The following MON2 variants were observed in gnomAD, a reference collection of about 807,000 sequenced individuals.
MON2 encodes protein MON2 homolog.
A neutral mutation model predicts 208.6 loss-of-function variants in MON2; 84 were observed. That is an observed-to-expected ratio of 0.40 (90% confidence interval 0.34 to 0.48). The LOEUF is 0.48. Ranked by LOEUF, MON2 falls within the 20% of genes least tolerant of loss-of-function variation. The pLI is 0.59. For synonymous variants in MON2, 660 were observed against 694.0 expected (o/e 0.95, Z 0.77); for missense variants, 1,611 against 2,015.4 (o/e 0.80, Z 3.84).
chr12:62,589,059 G>T, intron 34 of MON2: 1 of 501,722 alleles, frequency 2.0e-6, no homozygotes, highest in South Asian at 3.3e-5. Flanking sequence ...TTCAGACCAT[G>T]TTTTGTTCTA....
At chr12:62,514,662 G>T (rs2071596840) in intron 8 of MON2, among the ~76,000 whole-genome samples, 1 of 152,132 alleles carries the variant, frequency 6.6e-6, no homozygotes, top group South Asian at 2.1e-4. Context: ...GATGAGATTT[G>T]GTTGGGGACA....
Position 62,599,280 on chromosome 12 carries a change from C to A in MON2, c.*6531C>A, listed in dbSNP as rs1198045708. 3 of 152,028 alleles carry A rather than the reference C, an allele frequency of 2.0e-5. No homozygotes were observed. The highest frequency in any genetic ancestry group is 2.0e-4 in the Admixed American group (3 of 15,264). 9.4% of individuals were successfully genotyped at this position (152,028 alleles called of 1,614,324 possible). On this transcript the variant is annotated 3_prime_UTR_variant, in exon 35 of 35. Coordinates refer to ENST00000393630, the MANE Select transcript of MON2 (RefSeq NM_015026.3). Reference sequence around the variant, plus strand: ...TAAAAATGCTAGGTCAAGTAAAAATCCTGATGTAGATTAGATTATCTTAAT... The same window carrying A: ...TAAAAATGCTAGGTCAAGTAAAAATACTGATGTAGATTAGATTATCTTAAT...
intron 15 of MON2, 97 bp downstream of exon 15, chr12:62,537,360 A>T: frequency 1.2e-6 from 1 of 834,374 alleles, no homozygotes; most frequent in Non-Finnish European, 1.9e-6. Context: ...ACATTTATTT[A>T]CTTTCTTTTA....
At chr12:62,490,185 A>T in intron 2 of MON2, 1 of 212,062 alleles carries the variant, frequency 4.7e-6, no homozygotes, top group Non-Finnish European at 9.5e-6. Context: ...TCCAATACAC[A>T]GTGTTACTCT....
chr12:62,545,137 T>A (rs894729098), intron 21 of MON2, 129 bp downstream of exon 21: 4 of 545,318 alleles, frequency 7.3e-6, no homozygotes, highest in Non-Finnish European at 1.2e-5. Context: ...CTATTTTATA[T>A]GTAGGCCCTG....
intron 2 of MON2, among the ~76,000 whole-genome samples, chr12:62,487,505 A>C (rs751834188): frequency 6.6e-6 from 1 of 151,996 alleles, no homozygotes; most frequent in South Asian, 2.1e-4. Flanking sequence ...ATTTTTACAT[A>C]AATAATCAGT....
Position 62,599,986 on chromosome 12 carries a change from T to C in MON2, c.*7237T>C, listed in dbSNP as rs2075593692. On this transcript the variant is annotated 3_prime_UTR_variant, in exon 35 of 35. Coordinates refer to ENST00000393630, the MANE Select transcript of MON2 (RefSeq NM_015026.3). ...ATATGTTGTGTGTTTTAAGAAGTTA[T>C]GTTATAAATAACAGCATTGTGGTTA... 6.6e-6 allele frequency: 1 copy of C among 152,254 alleles called. No individual in the cohort carries two copies. 9.4% of individuals were successfully genotyped at this position (152,254 alleles called of 1,614,324 possible). A position where few individuals can be genotyped will look rare whatever the true frequency, so the allele number is the denominator to read the frequency against.
At chr12:62,574,611 C>T (rs533329257) in intron 30 of MON2, among the ~76,000 whole-genome samples, 1 of 152,000 alleles carries the variant, frequency 6.6e-6, no homozygotes, top group African/African-American at 2.4e-5. Context: ...TTTTTAATGG[C>T]TAAAAATAAT....
At chr12:62,532,782 C>T in intron 12 of MON2, 112 bp downstream of exon 12, 2 of 713,698 alleles carry the variant, frequency 2.8e-6, no homozygotes, top group South Asian at 3.7e-5. Flanking sequence ...TAACCACTTT[C>T]CCACATTTAC....
At chr12:62,481,797 A>G (rs1436546436) in intron 1 of MON2, among the ~76,000 whole-genome samples, 2 of 152,206 alleles carry the variant, frequency 1.3e-5, no homozygotes, top group African/African-American at 4.8e-5. Context: ...GTTGTGAGCA[A>G]TGAAAGCTGA....
chr12:62,486,377 AT>A (rs2069794059), intron 2 of MON2, among the ~76,000 whole-genome samples: 1 of 152,004 alleles, frequency 6.6e-6, no homozygotes, highest in Non-Finnish European at 1.5e-5. Flanking sequence ...TATGATTTAA[AT>A]ATATAGGCAG....
chr12:62,505,631 A>G (rs888402441), intron 7 of MON2, among the ~76,000 whole-genome samples: 1 of 152,100 alleles, frequency 6.6e-6, no homozygotes, highest in African/African-American at 2.4e-5. Flanking sequence ...CTGTAATCTT[A>G]GCTCTTTGTG....
chr12:62,508,497 T>G lies in MON2; in HGVS notation c.984+17T>G. ...AGTCTTTTGGTAAGTGCTAATTTCCTTATGTATTTGTGTATATAGTTGCAT... is the reference window on the plus strand; with the variant it reads ...AGTCTTTTGGTAAGTGCTAATTTCCGTATGTATTTGTGTATATAGTTGCAT... On this transcript the variant is annotated intron_variant, in intron 8 of 34. Coordinates refer to ENST00000393630, the MANE Select transcript of MON2 (RefSeq NM_015026.3). 6.2e-7 allele frequency: 1 copy of G among 1,606,924 alleles called. No individual in the cohort carries two copies. Among genetic ancestry groups the G allele is most frequent in the Non-Finnish European group, 8.5e-7 (1 of 1,173,528 alleles).
chr12:62,476,672 A>G lies in MON2; in HGVS notation c.112-7498A>G, dbSNP rs538711765. Among the ~76,000 whole-genome samples the G allele has an allele frequency of 2.6e-5, 4 of 152,178 alleles. No individual in the cohort carries two copies. In the East Asian group the frequency reaches 7.7e-4, roughly 29 times the overall value. ...GGCTAGTCTTGAATGCCTGACTTCA[A>G]ATTATCCACCCACCTCAGCCTCCCA... On this transcript the variant is annotated intron_variant, in intron 1 of 34. Transcript: ENST00000393630.
At chr12:62,589,744 T>TAA (rs5798649) in intron 34 of MON2, among the ~76,000 whole-genome samples, 23 of 113,616 alleles carry the variant, frequency 2.0e-4, no homozygotes, top group African/African-American at 6.6e-4. Context: ...ACCCCATCTT[T>TAA]AAAAAAAAAA....
chr12:62,508,064 C>T (rs560241331), intron 7 of MON2, among the ~76,000 whole-genome samples: 2 of 152,292 alleles, frequency 1.3e-5, no homozygotes, highest in South Asian at 4.1e-4. Flanking sequence ...AGCCACTATG[C>T]TGGGCTCTGA....
chr12:62,527,756 G>A (rs559316813), intron 11 of MON2, among the ~76,000 whole-genome samples: 32 of 151,912 alleles, frequency 2.1e-4, no homozygotes, highest in South Asian at 1.2e-3. Context: ...AATGACCAAG[G>A]TGAAGATGGG....
At chr12:62,537,581 T>G in intron 15 of MON2, 21 bp from the exon 16 acceptor site, 1 of 1,530,180 alleles carries the variant, frequency 6.5e-7, no homozygotes, top group Non-Finnish European at 9.0e-7. Context: ...TTATTGAAAA[T>G]GTATCCTTTT....
At chr12:62,488,252 A>G (rs916966502) in intron 2 of MON2, among the ~76,000 whole-genome samples, 34 of 152,184 alleles carry the variant, frequency 2.2e-4, no homozygotes, top group African/African-American at 7.7e-4. Context: ...GTAGAAGTAT[A>G]GAGAGGGTTG....
Sources: gnomAD v4.1 joint callset for allele counts (sites outside exome capture counted in the v4.1 genomes callset) on GRCh38, gnomAD v4.1.1 for gene constraint, MANE v1.5 for transcripts, NCBI Gene and HGNC (gene_info 2026-07-23, HGNC 2026-07-21) for gene names.